PDE11A: variants seen among roughly 807,000 people sequenced by gnomAD.
PDE11A encodes the protein dual 3',5'-cyclic-AMP and -GMP phosphodiesterase 11A.
Under a neutral mutation model 100.5 loss-of-function variants are expected in PDE11A, and 100 were observed. That is an observed-to-expected ratio of 1.00 (90% confidence interval 0.85 to 1.18). The LOEUF (loss-of-function observed/expected upper bound fraction) is 1.18. Ranked by LOEUF, PDE11A falls within the 50% of genes most tolerant of loss-of-function variation. The pLI is 0.00. For synonymous variants in PDE11A, 381 were observed against 420.8 expected (o/e 0.91, Z 1.16); for missense variants, 1,141 against 1,152.6 (o/e 0.99, Z 0.15).
At chr2:177,804,559 A>G (rs1195103687) in intron 9 of PDE11A, among the ~76,000 whole-genome samples, 1 of 152,024 alleles carries the variant, frequency 6.6e-6, no homozygotes, top group Non-Finnish European at 1.5e-5. Context: ...CAATCCAGTA[A>G]TCCTACTACT....
intron 17 of PDE11A, 86 bp downstream of exon 17, chr2:177,675,369 T>C (rs955611563): frequency 2.1e-6 from 2 of 954,542 alleles, no homozygotes; most frequent in South Asian, 2.6e-5. Flanking sequence ...TTTCAGTGCC[T>C]GGTAGTCAGG....
At chr2:178,066,095 G>A (rs1276101869) in intron 1 of PDE11A, among the ~76,000 whole-genome samples, 2 of 152,068 alleles carry the variant, frequency 1.3e-5, no homozygotes, top group African/African-American at 4.8e-5. Flanking sequence ...ATCATGAGAA[G>A]GCAAGCAGGT....
chr2:178,047,819 C>G (rs902676650), intron 1 of PDE11A, among the ~76,000 whole-genome samples: 1 of 150,778 alleles, frequency 6.6e-6, no homozygotes, highest in African/African-American at 2.5e-5. Flanking sequence ...TTTTCCTAAC[C>G]CCCCCATGTT....
intron 2 of PDE11A, among the ~76,000 whole-genome samples, chr2:177,945,048 C>G (rs1170318042): frequency 1.3e-5 from 2 of 148,930 alleles, no homozygotes; most frequent in Non-Finnish European, 3.0e-5. Context: ...TCTCCAGCCC[C>G]TAACCGCGAG....
At chr2:177,833,615 A>T (rs1297736870) in intron 6 of PDE11A, among the ~76,000 whole-genome samples, 1 of 152,222 alleles carries the variant, frequency 6.6e-6, no homozygotes, top group Non-Finnish European at 1.5e-5. Context: ...AAGCTAAAAA[A>T]TATCCAATAT....
At chr2:177,633,356 C>T (rs575616747) in intron 19 of PDE11A, among the ~76,000 whole-genome samples, 2 of 152,330 alleles carry the variant, frequency 1.3e-5, no homozygotes, top group South Asian at 2.1e-4. Flanking sequence ...ACTCCAAGCA[C>T]AACTGCAAAC....
At chr2:177,692,182 AC>A (rs1212092522) in intron 15 of PDE11A, among the ~76,000 whole-genome samples, 1 of 152,196 alleles carries the variant, frequency 6.6e-6, no homozygotes, top group African/African-American at 2.4e-5. Flanking sequence ...CTAAGTAAGC[AC>A]TCAAAAAGTA....
chr2:177,787,628 T>G (rs1342577203), intron 9 of PDE11A, among the ~76,000 whole-genome samples: 1 of 150,520 alleles, frequency 6.6e-6, no homozygotes, highest in African/African-American at 2.4e-5. Context: ...ATCAGTGTGC[T>G]GTATTCAGGA....
chr2:177,638,281 G>T (rs2080083039), intron 19 of PDE11A, among the ~76,000 whole-genome samples: 1 of 152,008 alleles, frequency 6.6e-6, no homozygotes, highest in South Asian at 2.1e-4. Flanking sequence ...TTATAGGCGT[G>T]AGCCACCGCG....
At chr2:178,103,441 G>A (rs975085899) in intron 2 of PDE11A, among the ~76,000 whole-genome samples, 5 of 151,558 alleles carry the variant, frequency 3.3e-5, no homozygotes, top group South Asian at 2.1e-4. Flanking sequence ...AGGGAAAGGC[G>A]GTGATTTTAC....
intron 15 of PDE11A, among the ~76,000 whole-genome samples, 171 bp downstream of exon 15, chr2:177,697,161 A>C (rs1251792038): frequency 6.6e-6 from 1 of 152,208 alleles, no homozygotes; most frequent in Non-Finnish European, 1.5e-5. Context: ...GCTTATACAC[A>C]CCACTTTAAT....
chr2:178,094,487 G>A (rs115714382), intron 2 of PDE11A, among the ~76,000 whole-genome samples: 14,141 of 152,120 alleles, frequency 0.093, 710 homozygotes, highest in Middle Eastern at 0.13. Flanking sequence ...AGCTGAGATC[G>A]CACCACTGCA....
At chr2:178,002,780 T>A (rs1260515059) in intron 2 of PDE11A, among the ~76,000 whole-genome samples, 2 of 152,176 alleles carry the variant, frequency 1.3e-5, no homozygotes, top group Non-Finnish European at 2.9e-5. Flanking sequence ...AAAGTGAAAT[T>A]AGAAATCAAG....
chr2:177,866,218 A>T (rs1176087809), intron 5 of PDE11A, among the ~76,000 whole-genome samples: 1 of 151,490 alleles, frequency 6.6e-6, no homozygotes, highest in Non-Finnish European at 1.5e-5. Flanking sequence ...TAGCTGATTG[A>T]CACCTCCATC....
At chr2:177,741,587 G>A (rs1272605910) in intron 10 of PDE11A, among the ~76,000 whole-genome samples, 3 of 152,144 alleles carry the variant, frequency 2.0e-5, no homozygotes, top group Non-Finnish European at 4.4e-5. Flanking sequence ...AAAGTGTCCT[G>A]ATTACAATTT....
rs371407144 is a variant in PDE11A, at chr2:177,791,725, A to ATATT, written c.1738-22356_1738-22353dup. 2.2e-3 allele frequency among the ~76,000 whole-genome samples: 329 copies of ATATT among 152,234 alleles called. 1 individual carries two copies. Among genetic ancestry groups the ATATT allele is most frequent in the African/African-American group, 7.6e-3 (314 of 41,534 alleles). ...AGTATATGTTTCTTAAATATTGTTT[A>ATATT]TATTTAACATACATAGTACATAGAG... On this transcript the variant is annotated intron_variant, in intron 9 of 19. Coordinates refer to ENST00000286063, the MANE Select transcript of PDE11A (RefSeq NM_016953.4).
intron 1 of PDE11A, among the ~76,000 whole-genome samples, chr2:178,066,664 G>A (rs1476190260): frequency 4.6e-5 from 7 of 152,148 alleles, no homozygotes. Context: ...TGGGGTCTAG[G>A]GAGGGTACGG....
intron 16 of PDE11A, chr2:177,678,086 G>C (rs796199625): frequency 6.6e-6 from 1 of 152,300 alleles, no homozygotes; most frequent in South Asian, 2.1e-4. Context: ...ACTTATTTCA[G>C]TTTTAAATTT....
chr2:177,755,352 G>A (rs1407922099), intron 10 of PDE11A, among the ~76,000 whole-genome samples: 1 of 152,204 alleles, frequency 6.6e-6, no homozygotes, highest in African/African-American at 2.4e-5. Flanking sequence ...TCAGCAGACA[G>A]AGCGATCACT....
Sources: allele counts gnomAD v4.1 joint callset (sites outside exome capture counted in the v4.1 genomes callset), GRCh38; gene constraint gnomAD v4.1.1; transcripts MANE v1.5; gene names NCBI Gene and HGNC (gene_info 2026-07-23, HGNC 2026-07-21).